The following SLC35H1 variants were observed in gnomAD, a reference collection of about 807,000 sequenced individuals.
SLC35H1 encodes ovarian cancer-overexpressed gene 1 protein.
chr20:46,356,668 T>G, the SLC35H1 span: 1,606,214 of 1,607,712 alleles, frequency 1, 802,368 homozygotes, highest in Middle Eastern at 1. Context: ...ACAGGACAGC[T>G]TGGGAGGTCC....
At chr20:46,361,054 G>A in the SLC35H1 span, among the ~76,000 whole-genome samples, 2 of 152,048 alleles carry the variant, frequency 1.3e-5, no homozygotes, top group South Asian at 4.2e-4. Context: ...TATATGCCCC[G>A]GCTCTGATTC....
the SLC35H1 span, chr20:46,356,664 C>T: frequency 6.8e-6 from 11 of 1,608,730 alleles, no homozygotes; most frequent in South Asian, 1.2e-4. Flanking sequence ...ACCCACAGGA[C>T]AGCTTGGGAG....
the SLC35H1 span, chr20:46,353,219 G>A: frequency 6.6e-6 from 1 of 152,186 alleles, no homozygotes; most frequent in Admixed American, 6.5e-5. Context: ...GACCAGACTG[G>A]TATTTCTCCA....
chr20:46,361,191 T>C, the SLC35H1 span, among the ~76,000 whole-genome samples: 1 of 152,302 alleles, frequency 6.6e-6, no homozygotes, highest in African/African-American at 2.4e-5. Flanking sequence ...CCCCATTTCA[T>C]CCAAGCCTGC....
the SLC35H1 span, chr20:46,355,334 C>G: frequency 7.0e-7 from 1 of 1,420,290 alleles, no homozygotes; most frequent in African/African-American, 1.4e-5. This position sits in a 1 kb window ranked among gnomAD's most constrained non-coding sequence, Gnocchi z 4.8. Context: ...GCCATCTTGG[C>G]TGCCCCTGGG....
chr20:46,358,570 T>C, the SLC35H1 span: 1 of 1,612,916 alleles, frequency 6.2e-7, no homozygotes, highest in Non-Finnish European at 8.5e-7. Context: ...TTGAATACAA[T>C]GTGCAGGAAG....
the SLC35H1 span, chr20:46,350,673 C>A: frequency 1.3e-6 from 2 of 1,537,606 alleles, no homozygotes; most frequent in African/African-American, 2.7e-5. Flanking sequence ...GCAGCAGAGC[C>A]ACCGGGCACA....
At chr20:46,348,695 C>A in the SLC35H1 span, 5 of 152,242 alleles carry the variant, frequency 3.3e-5, no homozygotes, top group African/African-American at 1.2e-4. Flanking sequence ...CTAGTCACCG[C>A]CCCCTCCTGG....
At chr20:46,350,864 A>C in the SLC35H1 span, 1 of 1,614,030 alleles carries the variant, frequency 6.2e-7, no homozygotes, top group Non-Finnish European at 8.5e-7. Context: ...CCAGCAGATG[A>C]GCTGCCAACA....
chr20:46,350,905 G>A, the SLC35H1 span: 3 of 1,613,302 alleles, frequency 1.9e-6, no homozygotes, highest in South Asian at 3.3e-5. Context: ...GGGCAGAGAA[G>A]CAGGAGGGAG....
chr20:46,357,699 C>A, the SLC35H1 span: 2 of 1,614,056 alleles, frequency 1.2e-6, no homozygotes, highest in Non-Finnish European at 8.5e-7. Flanking sequence ...ACTGAACCAG[C>A]GCCCTGGACA....
chr20:46,358,903 C>T, the SLC35H1 span: 8 of 656,444 alleles, frequency 1.2e-5, no homozygotes, highest in Non-Finnish European at 2.2e-5. Context: ...AGACCCACGT[C>T]GTGTCTGCTG....
chr20:46,362,141 G>A, the SLC35H1 span, among the ~76,000 whole-genome samples: 1 of 152,130 alleles, frequency 6.6e-6, no homozygotes, highest in Non-Finnish European at 1.5e-5. Flanking sequence ...AGCTAGAAGG[G>A]TCCCTGGAGA....
the SLC35H1 span, chr20:46,350,378 C>T: frequency 1.3e-6 from 2 of 1,595,848 alleles, no homozygotes; most frequent in Non-Finnish European, 8.6e-7. Context: ...GCTTCTAAGC[C>T]ATTTGCCCTG....
the SLC35H1 span, among the ~76,000 whole-genome samples, chr20:46,354,035 A>G: frequency 6.6e-6 from 1 of 152,100 alleles, no homozygotes; most frequent in African/African-American, 2.4e-5. Context: ...ATAAACAGAA[A>G]GGGGACAAAG....
the SLC35H1 span, among the ~76,000 whole-genome samples, chr20:46,353,503 A>G: frequency 1.3e-5 from 2 of 152,196 alleles, no homozygotes; most frequent in African/African-American, 4.8e-5. Flanking sequence ...GAGTATTTTG[A>G]GATTTTTGGA....
the SLC35H1 span, chr20:46,356,475 G>T: frequency 8.3e-7 from 1 of 1,197,998 alleles, no homozygotes; most frequent in Non-Finnish European, 1.2e-6. Flanking sequence ...TCCCAGAGTG[G>T]TGGAGTGGCT....
chr20:46,356,463 G>C, the SLC35H1 span: 4 of 1,058,198 alleles, frequency 3.8e-6, no homozygotes, highest in Non-Finnish European at 5.7e-6. Context: ...AGCAAGGGCT[G>C]GTCCCAGAGT....
chr20:46,358,231 C>T, the SLC35H1 span, among the ~76,000 whole-genome samples: 2 of 152,222 alleles, frequency 1.3e-5, no homozygotes, highest in African/African-American at 4.8e-5. Flanking sequence ...AACCCTGGCA[C>T]GGCAGGCTTG....
Sources: allele counts gnomAD v4.1 joint callset (sites outside exome capture counted in the v4.1 genomes callset), GRCh38; gene constraint gnomAD v4.1.1; non-coding constraint Gnocchi (gnomAD v3.1); transcripts MANE v1.5; gene names NCBI Gene and HGNC (gene_info 2026-07-23, HGNC 2026-07-21).